Variants in CEP120 observed in about 807,000 individuals in gnomAD.
CEP120 encodes the protein centrosomal protein 120, also known as centrosomal protein of 120 kDa.
In CEP120, 113 loss-of-function variants were observed where a neutral mutation model predicts 126.5. That is an observed-to-expected ratio of 0.89 (90% CI 0.77 to 1.04). CEP120 has a LOEUF of 1.04. Ranked by LOEUF, CEP120 falls within the 50% of genes least tolerant of loss-of-function variation. The probability of loss-of-function intolerance (pLI) is 0.00; values close to 1 mark genes in which losing one functional copy is unlikely to be tolerated. For missense variants in CEP120, 1,230 were observed against 1,155.7 expected (o/e 1.06, Z -0.93); for synonymous variants, 400 against 394.3 (o/e 1.01, Z -0.17).
intron 17 of CEP120, among the ~76,000 whole-genome samples, chr5:123,370,927 CAATTCATCAA>C (rs1241862053): frequency 6.6e-6 from 1 of 151,658 alleles, no homozygotes; most frequent in Non-Finnish European, 1.5e-5. Flanking sequence ...TTTCTGATTA[CAATTCATCAA>C]AACTCATTTC....
At chr5:123,372,619 T>G (rs1770926992) in intron 17 of CEP120, 31 bp downstream of exon 17, 2 of 1,590,316 alleles carry the variant, frequency 1.3e-6, no homozygotes, top group Non-Finnish European at 1.7e-6. Flanking sequence ...TCACTGGGAC[T>G]AGTTAAACTG....
At chr5:123,348,002 C>T (rs1451725016) in intron 19 of CEP120, among the ~76,000 whole-genome samples, 3 of 152,104 alleles carry the variant, frequency 2.0e-5, no homozygotes, top group African/African-American at 7.2e-5. Context: ...GTGGTAAGAA[C>T]ACCCCAGAGG....
chr5:123,382,245 G>T, intron 13 of CEP120, 45 bp from the exon 14 acceptor site: 2 of 1,194,378 alleles, frequency 1.7e-6, no homozygotes, highest in Non-Finnish European at 2.4e-6. Flanking sequence ...CCCCAAATAT[G>T]TCAAATAAAT....
chr5:123,378,172 T>C (rs1315761870), intron 15 of CEP120, among the ~76,000 whole-genome samples, 164 bp downstream of exon 15: 1 of 152,034 alleles, frequency 6.6e-6, no homozygotes, highest in Non-Finnish European at 1.5e-5. Flanking sequence ...CTCTCATAAA[T>C]GGAGTGCCTC....
At chr5:123,392,482 G>A (rs556846932) in intron 6 of CEP120, among the ~76,000 whole-genome samples, 1 of 152,122 alleles carries the variant, frequency 6.6e-6, no homozygotes. Flanking sequence ...TGTCATAAAA[G>A]ACAGAAGAGT....
At chr5:123,355,235 A>G (rs1769502525) in intron 18 of CEP120, among the ~76,000 whole-genome samples, 1 of 152,078 alleles carries the variant, frequency 6.6e-6, no homozygotes, top group Non-Finnish European at 1.5e-5. Context: ...GAATAGTGCC[A>G]CAAGAAACAT....
chr5:123,349,621 C>T (rs1250472345), intron 19 of CEP120, among the ~76,000 whole-genome samples: 1 of 152,030 alleles, frequency 6.6e-6, no homozygotes, highest in East Asian at 1.9e-4. Context: ...GTTTAATAGT[C>T]TTTGGCATAG....
chr5:123,355,621 T>G (rs1477373147), intron 18 of CEP120, among the ~76,000 whole-genome samples: 5 of 151,766 alleles, frequency 3.3e-5, no homozygotes, highest in South Asian at 4.1e-4. Flanking sequence ...TCGCCCACTT[T>G]TTGATGGGGT....
intron 2 of CEP120, among the ~76,000 whole-genome samples, chr5:123,417,139 T>A (rs1774436821): frequency 6.6e-6 from 1 of 152,160 alleles, no homozygotes; most frequent in Non-Finnish European, 1.5e-5. Flanking sequence ...AACCTGGCAC[T>A]AACAAAATGG....
Position 123,404,226 on chromosome 5 carries a change from T to A in CEP120, c.464-4942A>T, listed in dbSNP as rs192389049. 3.0e-3 allele frequency among the ~76,000 whole-genome samples: 452 copies of A among 152,228 alleles called. 4 individuals are homozygous for A. Among genetic ancestry groups the A allele is most frequent in the Non-Finnish European group, 4.9e-3 (336 of 67,998 alleles). On this transcript the variant is annotated intron_variant, in intron 4 of 19. Transcript: ENST00000306467. ...TCACAACGAAAACAAATTCTTAAAATTTTTTTTCACTGAGGGAAAAAATAA... is the reference window on the plus strand; with the variant it reads ...TCACAACGAAAACAAATTCTTAAAAATTTTTTTCACTGAGGGAAAAAATAA...
At chr5:123,405,348 C>T (rs780195357) in intron 4 of CEP120, among the ~76,000 whole-genome samples, 35 of 152,324 alleles carry the variant, frequency 2.3e-4, no homozygotes, top group South Asian at 1.0e-3. Context: ...CAGGTCCTCA[C>T]AGTGAATATC....
intron 19 of CEP120, among the ~76,000 whole-genome samples, chr5:123,348,176 T>C (rs1307318208): frequency 6.6e-6 from 1 of 152,206 alleles, no homozygotes; most frequent in African/African-American, 2.4e-5. Flanking sequence ...TGATTTTTCT[T>C]ATAGCTTATA....
intron 1 of CEP120, chr5:123,422,364 C>T: frequency 1.3e-6 from 1 of 756,368 alleles, no homozygotes; most frequent in Non-Finnish European, 2.2e-6. Flanking sequence ...CTTGCTACAT[C>T]CTTAGCTTTT....
chr5:123,377,412 T>C lies in CEP120; in HGVS notation c.2320A>G (p.Lys774Glu). 1.2e-6 allele frequency: 2 copies of C among 1,611,290 alleles called. No individual in the cohort carries two copies. The highest frequency in any genetic ancestry group is 1.7e-4 in the Middle Eastern group (1 of 6,050). The change falls in exon 16 of 20, where the codon AAA becomes GAA. Residue 774 changes from lysine to glutamate, a missense_variant. Transcript: ENST00000306467. ...HQVELERLKI[K>E]QLEEDKHRLQ... is the part of the protein sequence containing the mutation. ...CGGTGTTTATCCTCTTCGAGCTGTT[T>C]GATTTTTAACCTTTCTAGTTCTACT... is the stretch of plus-strand genomic sequence containing the variant.
intron 18 of CEP120, among the ~76,000 whole-genome samples, chr5:123,351,231 T>C (rs1367702926): frequency 1.3e-5 from 2 of 152,158 alleles, no homozygotes; most frequent in African/African-American, 4.8e-5. Context: ...CAATAACTAC[T>C]ACCCTAATTT....
chr5:123,371,775 C>G (rs1211001080), intron 17 of CEP120, among the ~76,000 whole-genome samples: 1 of 152,070 alleles, frequency 6.6e-6, no homozygotes, highest in Non-Finnish European at 1.5e-5. Context: ...TCCGCTAGTG[C>G]CCCCTGGTGG....
intron 18 of CEP120, among the ~76,000 whole-genome samples, chr5:123,351,579 G>A (rs1311825786): frequency 1.3e-5 from 2 of 152,080 alleles, no homozygotes; most frequent in Admixed American, 6.5e-5. Context: ...AGTAAATAGA[G>A]GTTTTAGTAT....
intron 16 of CEP120, among the ~76,000 whole-genome samples, chr5:123,375,190 C>A (rs569688505): frequency 2.0e-4 from 31 of 152,102 alleles, no homozygotes; most frequent in Admixed American, 1.6e-3. Context: ...CTTTTTTTCC[C>A]CCAGGTTTTA....
intron 14 of CEP120, among the ~76,000 whole-genome samples, chr5:123,378,668 G>A (rs1771432483): frequency 6.6e-6 from 1 of 151,976 alleles, no homozygotes; most frequent in African/African-American, 2.4e-5. Context: ...AATTTTAACT[G>A]TTATTCACAT....
Sources: allele counts gnomAD v4.1 joint callset (sites outside exome capture counted in the v4.1 genomes callset), GRCh38; gene constraint gnomAD v4.1.1; transcripts MANE v1.5; gene names NCBI Gene and HGNC (gene_info 2026-07-23, HGNC 2026-07-21).